HHIPL2: variants seen among roughly 807,000 people sequenced by gnomAD.
HHIPL2 encodes the protein HHIP like 2.
In HHIPL2, 61 loss-of-function variants were observed where a neutral mutation model predicts 61.0. That is an observed-to-expected ratio of 1.00 (90% CI 0.81 to 1.24). The LOEUF is 1.24. Ranked by LOEUF, HHIPL2 falls within the 50% of genes most tolerant of loss-of-function variation. The probability of loss-of-function intolerance (pLI) is 0.00; values close to 1 mark genes in which losing one functional copy is unlikely to be tolerated. For missense variants in HHIPL2, 885 were observed against 910.2 expected, an observed-to-expected ratio of 0.97 and a Z score of 0.36; for synonymous variants, 343 against 357.4, an observed-to-expected ratio of 0.96 and a Z score of 0.45.
In HHIPL2 at chr1:222,522,529, C is replaced by T; in HGVS notation, c.*72G>A. On this transcript the variant is annotated 3_prime_UTR_variant, in exon 9 of 9. Coordinates refer to ENST00000343410, the MANE Select transcript of HHIPL2 (RefSeq NM_024746.4). ...TTCCCAGACTTCTAAGGTCTTTATT[C>T]AGCAGTGACTTTCATTTGATGAGGT... 6.6e-7 allele frequency: 1 copy of T among 1,514,804 alleles called. No individual in the cohort carries two copies. Among genetic ancestry groups the T allele is most frequent in the Non-Finnish European group, 9.0e-7 (1 of 1,117,208 alleles). The allele number at this position is 1,514,804 out of a possible 1,614,324, so 93.8% of individuals were successfully genotyped here. A position where few individuals can be genotyped will look rare whatever the true frequency, so the allele number is the denominator to read the frequency against.
Position 222,522,783 on chromosome 1 carries a change from A to G in HHIPL2, c.1993T>C (p.Ser665Pro). 1 of 1,614,104 alleles carries G rather than the reference A, an allele frequency of 6.2e-7. No individual in the cohort carries two copies. Among genetic ancestry groups the G allele is most frequent in the South Asian group, 1.1e-5 (1 of 91,078 alleles). ...GPAQGLSEKGSSKKLASPTSS... is the reference protein window; with the variant it reads ...GPAQGLSEKGPSKKLASPTSS... Reference sequence around the variant, plus strand: ...GTAGGAGAAGCCAGCTTCTTGGAGGAGCCTTTCTCAGACAAACCCTGGGCT... The same window carrying G: ...GTAGGAGAAGCCAGCTTCTTGGAGGGGCCTTTCTCAGACAAACCCTGGGCT... Residue 665 changes from serine (S) to proline (P), a missense_variant, in exon 9 of 9, where the codon TCC becomes CCC. By Grantham distance (74) the Ser-to-Pro change is moderately conservative (BLOSUM62 -1). Coordinates refer to ENST00000343410, the MANE Select transcript of HHIPL2 (RefSeq NM_024746.4).
chr1:222,528,413 C>T (rs1261737740), intron 6 of HHIPL2, among the ~76,000 whole-genome samples: 2 of 152,148 alleles, frequency 1.3e-5, no homozygotes, highest in Non-Finnish European at 2.9e-5. Context: ...TCAAGATGAG[C>T]CTGGCCAACA....
Position 222,523,461 on chromosome 1 carries a change from T to C in HHIPL2, c.1888+151A>G, listed in dbSNP as rs540763906. On this transcript the variant is annotated intron_variant, in intron 8 of 8. Transcript: ENST00000343410. Reference sequence around the variant, plus strand: ...GTAGAAATGGGTATCCTTACACTCATAACTCCTCTGTTATGCAGAGGAGAC... The same window carrying C: ...GTAGAAATGGGTATCCTTACACTCACAACTCCTCTGTTATGCAGAGGAGAC... 1.2e-5 allele frequency: 8 copies of C among 667,662 alleles called. No homozygotes were observed. The East Asian group carries it at 1.8e-4, about 15-fold the overall frequency. The allele number at this position is 667,662 out of a possible 1,614,324, so 41.4% of individuals were successfully genotyped here.
chr1:222,523,686 G>A lies in HHIPL2; in HGVS notation c.1814C>T (p.Pro605Leu), dbSNP rs1368932828. The A allele has an allele frequency of 2.5e-6, 4 of 1,614,102 alleles. No individual in the cohort carries two copies. The highest frequency in any genetic ancestry group is 3.4e-6 in the Non-Finnish European group (4 of 1,180,004). The change falls in exon 8 of 9, where the codon CCC becomes CTC. Residue 605 changes from proline to leucine, a missense_variant. Pro to Leu is a moderately conservative substitution (Grantham distance 98). Transcript: ENST00000343410. ...YKFVDPSRRA[P>L]PGKCKYKPVP... ...TGGCTTGTATTTGCACTTGCCTGGG[G>A]GTGCTCGCCTAAAAACACAAACAGA...
intron 6 of HHIPL2, among the ~76,000 whole-genome samples, chr1:222,530,710 T>C (rs1244850065): frequency 6.7e-6 from 1 of 148,206 alleles, no homozygotes; most frequent in Non-Finnish European, 1.5e-5. Flanking sequence ...CTCTGGTTTA[T>C]ACCTATAGAG....
chr1:222,541,392 C>T (rs887968716), intron 3 of HHIPL2, among the ~76,000 whole-genome samples: 79 of 152,088 alleles, frequency 5.2e-4, no homozygotes, highest in Admixed American at 3.9e-4. Flanking sequence ...CTCTGTGTCT[C>T]CATTTTCTTG....
intron 8 of HHIPL2, among the ~76,000 whole-genome samples, chr1:222,523,261 AC>A (rs1339705915): frequency 7.2e-5 from 11 of 151,880 alleles, no homozygotes; most frequent in Admixed American, 3.9e-4. Flanking sequence ...TTAACTCTGA[AC>A]TCCTACATGT....
At position 222,547,957 on chromosome 1, in the gene HHIPL2, T is replaced by C. The variant is rs1299082332; in HGVS notation, c.88A>G (p.Ile30Val). Reference sequence around the variant, plus strand: ...AAGCCCACCTGGCCCAACAAGAATATGAGGCAGAGGCAGAGAATGCCAGAA... The same window carrying C: ...AAGCCCACCTGGCCCAACAAGAATACGAGGCAGAGGCAGAGAATGCCAGAA... ...LSSGILCLCL[I>V]FLLGQVGLLQ... Residue 30 changes from isoleucine to valine, a missense_variant, in exon 1 of 9, where the codon ATA becomes GTA. Ile to Val is a conservative substitution (Grantham distance 29, BLOSUM62 3). Transcript: ENST00000343410. 6.8e-6 allele frequency: 11 copies of C among 1,612,440 alleles called. No homozygotes were observed. The highest frequency in any genetic ancestry group is 8.5e-6 in the Non-Finnish European group (10 of 1,179,020).
chr1:222,541,116 G>A (rs1659423301), intron 3 of HHIPL2, among the ~76,000 whole-genome samples: 1 of 152,182 alleles, frequency 6.6e-6, no homozygotes, highest in African/African-American at 2.4e-5. Flanking sequence ...TTGCGGTGTG[G>A]TTGTGATGTA....
intron 5 of HHIPL2, among the ~76,000 whole-genome samples, chr1:222,534,406 G>A (rs903662330): frequency 6.6e-6 from 1 of 151,932 alleles, no homozygotes; most frequent in East Asian, 1.9e-4. Flanking sequence ...TCTAAACCCC[G>A]TCTCTACTAA....
chr1:222,524,472 G>A (rs2102608004), intron 7 of HHIPL2, among the ~76,000 whole-genome samples: 1 of 152,320 alleles, frequency 6.6e-6, no homozygotes, highest in South Asian at 2.1e-4. Context: ...TAAATACTTT[G>A]CAAATATTAA....
chr1:222,541,147 G>C (rs761879578), intron 3 of HHIPL2, among the ~76,000 whole-genome samples: 2 of 152,192 alleles, frequency 1.3e-5, no homozygotes, highest in Non-Finnish European at 2.9e-5. Flanking sequence ...GAGTTACTGT[G>C]TATATAGCGT....
At chr1:222,527,319 A>T (rs916672527) in intron 6 of HHIPL2, among the ~76,000 whole-genome samples, 3 of 152,222 alleles carry the variant, frequency 2.0e-5, no homozygotes, top group Middle Eastern at 3.2e-3. Flanking sequence ...CAAACCAAAC[A>T]GGTTTCCCCC....
chr1:222,546,314 G>A (rs1659556157), intron 1 of HHIPL2, among the ~76,000 whole-genome samples: 1 of 152,182 alleles, frequency 6.6e-6, no homozygotes, highest in African/African-American at 2.4e-5. Context: ...CCCCAGGATT[G>A]TTTTACCTTG....
intron 7 of HHIPL2, among the ~76,000 whole-genome samples, chr1:222,526,419 A>C (rs1659066762): frequency 6.6e-6 from 1 of 151,916 alleles, no homozygotes; most frequent in Non-Finnish European, 1.5e-5. Context: ...AAAAAAAAAA[A>C]AAAAGGCTGG....
intron 4 of HHIPL2, among the ~76,000 whole-genome samples, chr1:222,539,527 TAAAAAA>T (rs10537670): frequency 0.031 from 2,625 of 85,138 alleles, 68 homozygotes; most frequent in African/African-American, 0.093. Flanking sequence ...AGACTCTGTC[TAAAAAA>T]AAAAAAAAAA....
chr1:222,531,724 A>G (rs969026520), intron 6 of HHIPL2, among the ~76,000 whole-genome samples: 1 of 152,078 alleles, frequency 6.6e-6, no homozygotes, highest in African/African-American at 2.4e-5. Flanking sequence ...AGAGAGCAAG[A>G]CTCTGTCTCA....
chr1:222,528,610 CA>C (rs911314547), intron 6 of HHIPL2, among the ~76,000 whole-genome samples: 36 of 140,840 alleles, frequency 2.6e-4, no homozygotes, highest in African/African-American at 2.8e-4. Context: ...GACTCCGTCT[CA>C]AAAAAAAAAA....
At position 222,529,597 on chromosome 1, in the gene HHIPL2, T is replaced by C. The variant is rs187798784; in HGVS notation, c.1723+2369A>G. 2.2e-4 allele frequency among the ~76,000 whole-genome samples: 33 copies of C among 152,374 alleles called. No individual in the cohort carries two copies. In the East Asian group the frequency reaches 6.4e-3, roughly 29 times the overall value. On this transcript the variant is annotated intron_variant, in intron 6 of 8. Coordinates refer to ENST00000343410, the MANE Select transcript of HHIPL2 (RefSeq NM_024746.4). ...CATCTGTAGCATCCAACTGATATTT[T>C]TAATATACATCTTAGGGGAGAAAAA...
Sources: allele counts gnomAD v4.1 joint callset (sites outside exome capture counted in the v4.1 genomes callset), GRCh38; gene constraint gnomAD v4.1.1; transcripts MANE v1.5; gene names NCBI Gene and HGNC (gene_info 2026-07-23, HGNC 2026-07-21).